The following MYBPC1 variants were observed in gnomAD, a reference collection of about 807,000 sequenced individuals.
The protein encoded by MYBPC1 is myosin-binding protein C, slow-type.
In MYBPC1, 52 loss-of-function variants were observed where a neutral mutation model predicts 147.1. That is an observed-to-expected ratio of 0.35 (90% confidence interval 0.28 to 0.45). MYBPC1 has a LOEUF of 0.45. Ranked by LOEUF, MYBPC1 falls within the 20% of genes least tolerant of loss-of-function variation. MYBPC1 has a pLI of 1.00. For synonymous variants in MYBPC1, 477 were observed against 475.9 expected (o/e 1.00, Z -0.03); for missense variants, 1,228 against 1,440.3 (o/e 0.85, Z 2.39).
chr12:101,636,051 T>C (rs1303715438), intron 9 of MYBPC1, among the ~76,000 whole-genome samples: 1 of 152,194 alleles, frequency 6.6e-6, no homozygotes, highest in Non-Finnish European at 1.5e-5. Context: ...TTTAAGAAGG[T>C]ATAAATATTA....
chr12:101,634,662 T>G, intron 9 of MYBPC1, 57 bp downstream of exon 9: 1 of 1,360,320 alleles, frequency 7.4e-7, no homozygotes, highest in South Asian at 1.2e-5. Context: ...TGGAGGATTT[T>G]CAAACACATT....
At chr12:101,600,254 C>G (rs540595984) in intron 1 of MYBPC1, 1 of 152,046 alleles carries the variant, frequency 6.6e-6, no homozygotes, top group Non-Finnish European at 1.5e-5. Context: ...ATCCTTTATG[C>G]TCTCAATGAC....
chr12:101,678,106 A>T lies in MYBPC1; in HGVS notation c.3114A>T (p.Lys1038Asn). Residue 1038 changes from lysine (K) to asparagine (N), a missense_variant, in exon 28 of 32, where the codon AAA becomes AAT. Lys to Asn is a moderately conservative substitution (Grantham distance 94). Coordinates refer to ENST00000361466, the MANE Select transcript of MYBPC1 (RefSeq NM_002465.4). ...KESAVIARDG[K>N]IYKNPVYEDF... Reference sequence around the variant, plus strand: ...TTTGTAATGCTTGTTTTTAAGGTAAAATCTACAAAAATCCAGTGTATGAAG... The same window carrying T: ...TTTGTAATGCTTGTTTTTAAGGTAATATCTACAAAAATCCAGTGTATGAAG... 2 of 1,613,346 alleles carry T rather than the reference A, an allele frequency of 1.2e-6. No individual in the cohort carries two copies. Among genetic ancestry groups the T allele is most frequent in the Non-Finnish European group, 1.7e-6 (2 of 1,179,314 alleles).
chr12:101,665,757 C>A (rs1366024781), intron 22 of MYBPC1, among the ~76,000 whole-genome samples: 2 of 152,156 alleles, frequency 1.3e-5, no homozygotes, highest in African/African-American at 4.8e-5. Flanking sequence ...GTTCTTCACT[C>A]TTTTGTACAT....
intron 3 of MYBPC1, among the ~76,000 whole-genome samples, chr12:101,625,375 GT>G (rs1888360154): frequency 6.6e-6 from 1 of 152,156 alleles, no homozygotes; most frequent in Admixed American, 6.5e-5. Flanking sequence ...GACTGCACTT[GT>G]TTTCATAGTG....
At chr12:101,640,215 T>A (rs1265367390) in intron 10 of MYBPC1, among the ~76,000 whole-genome samples, 2 of 152,160 alleles carry the variant, frequency 1.3e-5, no homozygotes, top group East Asian at 3.9e-4. Flanking sequence ...TTTCACCATG[T>A]TGCCCAGGCT....
At position 101,631,680 on chromosome 12, in the gene MYBPC1, G is replaced by T. The variant is rs759748519; in HGVS notation, c.399G>T (p.Lys133Asn). The change falls in exon 7 of 32, where the codon AAG becomes AAT. Residue 133 changes from lysine to asparagine, a missense_variant. Lys to Asn is a moderately conservative substitution (Grantham distance 94, BLOSUM62 0). Transcript: ENST00000361466. ...TGGACCTGGCCAGCAAAGCCGGGAAGCACCTTCAGCTGAAGGAAACCTTTG... is the reference window on the plus strand; with the variant it reads ...TGGACCTGGCCAGCAAAGCCGGGAATCACCTTCAGCTGAAGGAAACCTTTG... ...KWMDLASKAG[K>N]HLQLKETFER... 6.2e-7 allele frequency: 1 copy of T among 1,614,204 alleles called. No individual in the cohort carries two copies. Among genetic ancestry groups the T allele is most frequent in the Non-Finnish European group, 8.5e-7 (1 of 1,180,048 alleles).
At chr12:101,609,792 T>C (rs2135727352) in intron 1 of MYBPC1, among the ~76,000 whole-genome samples, 1 of 152,338 alleles carries the variant, frequency 6.6e-6, no homozygotes, top group African/African-American at 2.4e-5. Context: ...AAGTATCTTA[T>C]CATATTGTAA....
At chr12:101,597,052 G>T (rs930300103) in intron 1 of MYBPC1, among the ~76,000 whole-genome samples, 1 of 152,172 alleles carries the variant, frequency 6.6e-6, no homozygotes, top group African/African-American at 2.4e-5. Flanking sequence ...ACCTTGAAAA[G>T]CTTTCCTTAG....
At chr12:101,659,506 A>G (rs552685750) in intron 18 of MYBPC1, among the ~76,000 whole-genome samples, 166 bp from the exon 19 acceptor site, 24 of 152,320 alleles carry the variant, frequency 1.6e-4, no homozygotes, top group Non-Finnish European at 3.2e-4. Flanking sequence ...AAAACATATA[A>G]TAGGCATGAA....
intron 18 of MYBPC1, among the ~76,000 whole-genome samples, chr12:101,658,417 A>G (rs1207171429): frequency 6.6e-6 from 1 of 152,160 alleles, no homozygotes; most frequent in African/African-American, 2.4e-5. Flanking sequence ...CGTAAAAAGA[A>G]AAACCCAACA....
intron 3 of MYBPC1, 49 bp from the exon 4 acceptor site, chr12:101,626,823 G>A (rs1269420003): frequency 4.8e-6 from 7 of 1,450,272 alleles, no homozygotes; most frequent in Non-Finnish European, 6.8e-6. Flanking sequence ...CAGGTTACTT[G>A]GGATGAAGTC....
At chr12:101,647,264 G>C (rs1247734033) in intron 13 of MYBPC1, among the ~76,000 whole-genome samples, 1 of 152,130 alleles carries the variant, frequency 6.6e-6, no homozygotes, top group Non-Finnish European at 1.5e-5. Context: ...CATTTACTAA[G>C]ACATTGTGAA....
At chr12:101,597,283 T>C (rs998660706) in intron 1 of MYBPC1, among the ~76,000 whole-genome samples, 3 of 152,098 alleles carry the variant, frequency 2.0e-5, no homozygotes, top group African/African-American at 7.2e-5. Flanking sequence ...AAGAACAGGC[T>C]CCTCCAGCCC....
chr12:101,670,986 T>C lies in MYBPC1; in HGVS notation c.2613+577T>C, dbSNP rs202123448. ...ATAGTCAATTTTGGTCTTATACAAA[T>C]ACACACACACACCCTGCACCTCCCA... On this transcript the variant is annotated intron_variant, in intron 24 of 31. Coordinates refer to ENST00000361466, the MANE Select transcript of MYBPC1 (RefSeq NM_002465.4). Among the ~76,000 whole-genome samples the C allele has an allele frequency of 2.3e-3, 343 of 151,070 alleles. 1 individual carries two copies. The highest frequency in any genetic ancestry group is 3.4e-3 in the Non-Finnish European group (229 of 67,646).
At chr12:101,618,047 A>G (rs1422849762) in intron 3 of MYBPC1, among the ~76,000 whole-genome samples, 1 of 152,208 alleles carries the variant, frequency 6.6e-6, no homozygotes, top group Non-Finnish European at 1.5e-5. Flanking sequence ...TAATGAATAA[A>G]AAAGTTTAAA....
intron 23 of MYBPC1, 82 bp downstream of exon 23, chr12:101,667,981 A>C: frequency 6.7e-7 from 1 of 1,483,468 alleles, no homozygotes; most frequent in Non-Finnish European, 9.2e-7. Context: ...CTTTCTCAAA[A>C]CCTCCTATTT....
Position 101,667,774 on chromosome 12 carries a change from C to T in MYBPC1, c.2399C>T (p.Thr800Met), listed in dbSNP as rs763332056. The T allele has an allele frequency of 8.1e-6, 13 of 1,614,016 alleles. No individual in the cohort carries two copies. Among genetic ancestry groups the T allele is most frequent in the Admixed American group, 6.7e-5 (4 of 59,998 alleles). The stretch of plus-strand genomic sequence containing the variant: ...GCAAACAAAGATCTGATTGACAAGA[C>T]GAAGTTCACCATCACAGGTCTGCCA... ...IVANKDLIDK[T>M]KFTITGLPTD... The change falls in exon 23 of 32, where the codon ACG becomes ATG. Residue 800 changes from threonine to methionine, a missense_variant. Transcript: ENST00000361466.
chr12:101,608,684 T>G (rs1328766964), intron 1 of MYBPC1, among the ~76,000 whole-genome samples: 8 of 152,220 alleles, frequency 5.3e-5, no homozygotes, highest in African/African-American at 1.9e-4. Flanking sequence ...TCGACACAAG[T>G]TGCTTTGCCG....
Sources: gnomAD v4.1 joint callset for allele counts (sites outside exome capture counted in the v4.1 genomes callset) on GRCh38, gnomAD v4.1.1 for gene constraint, MANE v1.5 for transcripts, NCBI Gene and HGNC (gene_info 2026-07-23, HGNC 2026-07-21) for gene names.